CPXM2: variants seen among roughly 807,000 people sequenced by gnomAD.
CPXM2 encodes carboxypeptidase X, M14 family member 2.
CPXM2 carries 66 observed loss-of-function variants against 86.1 expected under a neutral mutation model. That is an observed-to-expected ratio of 0.77 (90% CI 0.63 to 0.94). CPXM2 has a LOEUF of 0.94. CPXM2 is among the 40% of genes least tolerant of loss of function. The probability of loss-of-function intolerance (pLI) is 0.00; values close to 1 mark genes in which losing one functional copy is unlikely to be tolerated. For synonymous variants in CPXM2, 388 were observed against 400.2 expected (o/e 0.97, Z 0.36); for missense variants, 948 against 1,026.3 (o/e 0.92, Z 1.04).
At position 123,753,335 on chromosome 10, in the gene CPXM2, C is replaced by A. The variant is rs143499229; in HGVS notation, c.2017+1328G>T. On this transcript the variant is annotated intron_variant, in intron 13 of 13. Transcript: ENST00000241305. ...ACAGCCCTGTGGCACAAAAGAAAAACCTGGACTTGTCAAGCACCTTTATTT... is the reference window on the plus strand; with the variant it reads ...ACAGCCCTGTGGCACAAAAGAAAAAACTGGACTTGTCAAGCACCTTTATTT... Among the ~76,000 whole-genome samples the A allele has an allele frequency of 4.2e-3, 633 of 152,224 alleles. 5 individuals carry two copies. Among genetic ancestry groups the A allele is most frequent in the Middle Eastern group, 0.027 (8 of 294 alleles).
intron 2 of CPXM2, among the ~76,000 whole-genome samples, chr10:123,928,344 A>T (rs1483909331): frequency 6.6e-6 from 1 of 152,188 alleles, no homozygotes; most frequent in East Asian, 1.9e-4. Context: ...GTATTTTGAG[A>T]TGCAGATTTT....
chr10:123,830,650 G>C (rs1848145045), intron 4 of CPXM2, among the ~76,000 whole-genome samples: 1 of 152,148 alleles, frequency 6.6e-6, no homozygotes, highest in South Asian at 2.1e-4. Flanking sequence ...ATCACCTCCT[G>C]ACAGCTGCAT....
intron 4 of CPXM2, among the ~76,000 whole-genome samples, chr10:123,833,128 T>C (rs781335765): frequency 6.6e-6 from 1 of 152,208 alleles, no homozygotes; most frequent in Non-Finnish European, 1.5e-5. Context: ...ATTTTTGTTA[T>C]AGCATCATGA....
Position 123,891,378 on chromosome 10 carries a change from C to A in CPXM2, c.282G>T (p.Ser94=). Residue 94 remains serine (S), a synonymous_variant, in exon 1 of 14, where the codon TCG becomes TCT. Transcript: ENST00000241305. This position sits in a 1 kb window ranked among gnomAD's most constrained non-coding sequence, Gnocchi z 5.6. ...TACCTGGTGGAGGCGGCTCCGGAGC[C>A]GACTTCTCCCTCTTGGGAGCTTTCT... The part of the protein sequence containing the change: ...KPKKAPKREK[S]APEPPPPGKH... 6.4e-7 allele frequency: 1 copy of A among 1,561,242 alleles called. No individual in the cohort carries two copies. The highest frequency in any genetic ancestry group is 8.7e-7 in the Non-Finnish European group (1 of 1,153,552).
At position 123,761,561 on chromosome 10, in the gene CPXM2, G is replaced by A. The variant is rs529928815; in HGVS notation, c.1777+311C>T. Among the ~76,000 whole-genome samples the A allele has an allele frequency of 5.9e-4, 90 of 152,210 alleles. No individual in the cohort carries two copies. In the South Asian group the frequency reaches 6.4e-3, roughly 11 times the overall value. Reference sequence around the variant, plus strand: ...ACCCATCTCTAACCCTATCAAATCTGAATAGCTTGGAGGCTAAGCACAGGC... The same window carrying A: ...ACCCATCTCTAACCCTATCAAATCTAAATAGCTTGGAGGCTAAGCACAGGC... On this transcript the variant is annotated intron_variant, in intron 11 of 13. Coordinates refer to ENST00000241305, the MANE Select transcript of CPXM2 (RefSeq NM_198148.3).
chr10:123,798,383 G>A (rs1033511343), intron 5 of CPXM2, among the ~76,000 whole-genome samples: 1 of 152,126 alleles, frequency 6.6e-6, no homozygotes, highest in Non-Finnish European at 1.5e-5. Flanking sequence ...CACGGCAAAA[G>A]GACAACTAGA....
chr10:123,799,325 G>A (rs1205326157), intron 4 of CPXM2, 126 bp from the exon 5 acceptor site: 8 of 1,023,038 alleles, frequency 7.8e-6, no homozygotes, highest in Non-Finnish European at 1.2e-5. Context: ...CTGGCTCCAG[G>A]ACATTTACAG....
In CPXM2 at chr10:123,860,162, C is replaced by T. The variant is rs114039726; in HGVS notation, c.513+2452G>A. On this transcript the variant is annotated intron_variant, in intron 3 of 13. Coordinates refer to ENST00000241305, the MANE Select transcript of CPXM2 (RefSeq NM_198148.3). ...AGAGAGAGACCCAGTCACCCAAGAC[C>T]AACCTGGGACTTTCCTCATACAGTA... Among the ~76,000 whole-genome samples the T allele has an allele frequency of 7.4e-3, 1,133 of 152,326 alleles. 15 individuals are homozygous for T. The highest frequency in any genetic ancestry group is 0.026 in the African/African-American group (1,066 of 41,564).
chr10:123,843,709 G>A (rs1184091532), intron 3 of CPXM2, among the ~76,000 whole-genome samples: 1 of 152,146 alleles, frequency 6.6e-6, no homozygotes, highest in South Asian at 2.1e-4. Flanking sequence ...AGCTATAGGC[G>A]TGAACAACTT....
chr10:123,940,913 T>C (rs1261369906), upstream of CPXM2, among the ~76,000 whole-genome samples: 1 of 152,184 alleles, frequency 6.6e-6, no homozygotes, highest in Non-Finnish European at 1.5e-5. Flanking sequence ...GGCTCACGCC[T>C]GTAATCCCAG....
chr10:123,761,916 T>C lies in CPXM2; in HGVS notation c.1733A>G (p.Glu578Gly), dbSNP rs1462570090. The C allele has an allele frequency of 3.1e-6, 5 of 1,613,872 alleles. No individual in the cohort carries two copies. In the South Asian group the frequency reaches 5.5e-5, roughly 18 times the overall value. ...GGAGGCCCCATTGACAGTGCCCTCC[T>C]CCTTCTGGAAGTCCTCCGTGTGGCA... is the stretch of plus-strand genomic sequence containing the variant. ...RVCHTEDFQK[E>G]EGTVNGASWH... The change falls in exon 11 of 14, where the codon GAG (glutamate) becomes GGG (glycine). Residue 578 changes from glutamate (E) to glycine (G), a missense_variant. Physicochemically the swap from Glu to Gly is moderately conservative, Grantham distance 98. Coordinates refer to ENST00000241305, the MANE Select transcript of CPXM2 (RefSeq NM_198148.3).
Position 123,810,027 on chromosome 10 carries a change from A to T in CPXM2, c.654-10828T>A, listed in dbSNP as rs145408245. ...TTCATAGGAAACAGACCCAAAATGT[A>T]AGAAAGTTGAAATTAATGGAAGAAC... is the stretch of plus-strand genomic sequence containing the variant. On this transcript the variant is annotated intron_variant, in intron 4 of 13. Coordinates refer to ENST00000241305, the MANE Select transcript of CPXM2 (RefSeq NM_198148.3). Among the ~76,000 whole-genome samples the T allele has an allele frequency of 5.9e-3, 905 of 152,118 alleles. 14 individuals carry two copies. Among genetic ancestry groups the T allele is most frequent in the African/African-American group, 0.021 (864 of 41,542 alleles).
chr10:123,768,157 G>A (rs1169424285), intron 9 of CPXM2, among the ~76,000 whole-genome samples: 1 of 152,126 alleles, frequency 6.6e-6, no homozygotes, highest in Non-Finnish European at 1.5e-5. Flanking sequence ...GGAGGCCAAG[G>A]CTGGCGGATT....
At position 123,888,888 on chromosome 10, in the gene CPXM2, G is replaced by A. The variant is rs548767484; in HGVS notation, c.304+2468C>T. Among the ~76,000 whole-genome samples the A allele has an allele frequency of 3.3e-5, 5 of 152,296 alleles. No homozygotes were observed. In the South Asian group the frequency reaches 6.2e-4, roughly 19 times the overall value. ...GTGAGTCTCTAGATCTTCCGAAGACGTGTTTTCAGTATGGGGCTTGGAGAT... is the reference window on the plus strand; with the variant it reads ...GTGAGTCTCTAGATCTTCCGAAGACATGTTTTCAGTATGGGGCTTGGAGAT... On this transcript the variant is annotated intron_variant, in intron 1 of 13. Coordinates refer to ENST00000241305, the MANE Select transcript of CPXM2 (RefSeq NM_198148.3).
chr10:123,801,948 T>A (rs1847468577), intron 4 of CPXM2, among the ~76,000 whole-genome samples: 1 of 152,214 alleles, frequency 6.6e-6, no homozygotes, highest in African/African-American at 2.4e-5. Flanking sequence ...ATGCTTTCTT[T>A]CATAGTTTAA....
intron 4 of CPXM2, among the ~76,000 whole-genome samples, chr10:123,819,468 A>G (rs771243255): frequency 5.3e-5 from 8 of 152,254 alleles, no homozygotes; most frequent in Admixed American, 3.3e-4. Context: ...GACCAGCTGC[A>G]GAAACAAGAT....
chr10:123,804,650 T>C (rs375842891), intron 4 of CPXM2, among the ~76,000 whole-genome samples: 3 of 152,100 alleles, frequency 2.0e-5, no homozygotes, highest in East Asian at 1.9e-4. Flanking sequence ...ACAGTTCTGA[T>C]TCTTTATTTC....
chr10:123,924,698 C>T (rs930299734), intron 2 of CPXM2, among the ~76,000 whole-genome samples: 77 of 152,242 alleles, frequency 5.1e-4, no homozygotes, highest in Non-Finnish European at 4.3e-4. Flanking sequence ...TGCAGAGTGG[C>T]GGTGGGTGAG....
intron 6 of CPXM2, among the ~76,000 whole-genome samples, chr10:123,784,181 C>T (rs1846999231): frequency 6.6e-6 from 1 of 152,150 alleles, no homozygotes; most frequent in Non-Finnish European, 1.5e-5. Flanking sequence ...AATATGGACA[C>T]ACACAGGGGG....
Sources: allele counts gnomAD v4.1 joint callset (sites outside exome capture counted in the v4.1 genomes callset), GRCh38; gene constraint gnomAD v4.1.1; non-coding constraint Gnocchi (gnomAD v3.1); transcripts MANE v1.5; gene names NCBI Gene and HGNC (gene_info 2026-07-23, HGNC 2026-07-21).